Variants in LNX1 observed in about 807,000 individuals in gnomAD.
The protein encoded by LNX1 is E3 ubiquitin-protein ligase LNX.
A neutral mutation model predicts 68.4 loss-of-function variants in LNX1; 54 were observed. That is an observed-to-expected ratio of 0.79 (90% CI 0.63 to 0.99). The LOEUF (loss-of-function observed/expected upper bound fraction) is 0.99. Ranked by LOEUF, LNX1 falls within the 50% of genes least tolerant of loss-of-function variation. The pLI is 0.00. For synonymous variants in LNX1, 336 were observed against 350.0 expected (o/e 0.96, Z 0.45); for missense variants, 906 against 926.4 (o/e 0.98, Z 0.29).
intron 1 of LNX1, among the ~76,000 whole-genome samples, chr4:53,582,348 C>T (rs763818225): frequency 1.3e-5 from 2 of 152,178 alleles, no homozygotes; most frequent in Non-Finnish European, 2.9e-5. Context: ...AGAGGAATGA[C>T]TCGCTTCAAA....
chr4:53,635,607 C>T (rs1560702432), intron 1 of LNX1, among the ~76,000 whole-genome samples: 1 of 151,934 alleles, frequency 6.6e-6, no homozygotes, highest in African/African-American at 2.4e-5. Flanking sequence ...TAAAAAATGT[C>T]TATTGGGAAG....
chr4:53,559,498 T>C (rs1730132250), intron 2 of LNX1, among the ~76,000 whole-genome samples: 1 of 152,164 alleles, frequency 6.6e-6, no homozygotes, highest in Non-Finnish European at 1.5e-5. Context: ...ACAGTAGGCA[T>C]GTTTGGTTAA....
chr4:53,547,599 C>A (rs1300105771), intron 2 of LNX1, among the ~76,000 whole-genome samples: 1 of 152,178 alleles, frequency 6.6e-6, no homozygotes. Flanking sequence ...CCCTCCCCTA[C>A]TGTTCTGGAT....
At chr4:53,536,923 T>G (rs1266471366) in intron 2 of LNX1, among the ~76,000 whole-genome samples, 2 of 152,252 alleles carry the variant, frequency 1.3e-5, no homozygotes, top group Non-Finnish European at 2.9e-5. Flanking sequence ...CCAGGATCTT[T>G]ATTTTCTGTT....
intron 1 of LNX1, among the ~76,000 whole-genome samples, chr4:53,584,774 CA>C (rs768624493): frequency 3.9e-5 from 6 of 152,236 alleles, no homozygotes; most frequent in Non-Finnish European, 5.9e-5. Context: ...AAGATCCCTA[CA>C]GCACCTACCA....
At chr4:53,579,868 C>T (rs1178120415) in intron 1 of LNX1, among the ~76,000 whole-genome samples, 5 of 152,182 alleles carry the variant, frequency 3.3e-5, no homozygotes, top group East Asian at 1.9e-4. Context: ...CATGTGGCAA[C>T]GATAATTTTA....
intron 1 of LNX1, among the ~76,000 whole-genome samples, chr4:53,634,974 C>T (rs1734415210): frequency 6.6e-6 from 1 of 151,774 alleles, no homozygotes; most frequent in African/African-American, 2.4e-5. Context: ...TACAGGTGCA[C>T]ACTACCATAT....
chr4:53,609,836 C>CTA (rs897723643), intron 2 of LNX1, among the ~76,000 whole-genome samples: 3 of 144,638 alleles, frequency 2.1e-5, no homozygotes, highest in African/African-American at 7.6e-5. Flanking sequence ...CTACATAATG[C>CTA]TATATAAATA....
intron 4 of LNX1, 101 bp from the exon 5 acceptor site, chr4:53,498,944 T>C (rs1725275702): frequency 1.1e-5 from 9 of 815,978 alleles, no homozygotes; most frequent in Non-Finnish European, 1.8e-5. Flanking sequence ...AAACTATTCA[T>C]TTTTCCTCAT....
At chr4:53,469,684 A>G (rs1194359042) in intron 9 of LNX1, among the ~76,000 whole-genome samples, 4 of 152,240 alleles carry the variant, frequency 2.6e-5, no homozygotes. Flanking sequence ...ACAGAAATAC[A>G]AATTACCATC....
chr4:53,507,225 C>T, intron 4 of LNX1, 92 bp downstream of exon 4: 2 of 1,371,928 alleles, frequency 1.5e-6, no homozygotes, highest in African/African-American at 2.9e-5. Flanking sequence ...AGAGGGGTCA[C>T]AGAAGGTGGA....
Position 53,459,476 on chromosome 4 carries a change from T to G in LNX1, c.*1431A>C, listed in dbSNP as rs1290675358. On this transcript the variant is annotated 3_prime_UTR_variant, in exon 11 of 11. Transcript: ENST00000263925. ...CATGGTTTTGGCCTTTTGTGTATAT[T>G]AGTACCAGAAGTAGATACTATAAAT... The G allele has an allele frequency of 6.2e-7, 1 of 1,613,168 alleles. No homozygotes were observed. The highest frequency in any genetic ancestry group is 2.2e-5 in the East Asian group (1 of 44,878).
At chr4:53,576,027 G>T in intron 1 of LNX1, 2 of 1,570,602 alleles carry the variant, frequency 1.3e-6, no homozygotes, top group African/African-American at 1.3e-5. Flanking sequence ...CCAGCCTGAA[G>T]CCCAACACCT....
chr4:53,557,359 ATCCCATAGGTT>A (rs1169109110), intron 2 of LNX1, among the ~76,000 whole-genome samples: 1 of 152,216 alleles, frequency 6.6e-6, no homozygotes, highest in Non-Finnish European at 1.5e-5. Context: ...GTTTCTTCGT[ATCCCATAGGTT>A]TCAAAAGCAT....
intron 1 of LNX1, chr4:53,579,200 T>C: frequency 8.9e-6 from 8 of 896,436 alleles, no homozygotes; most frequent in Non-Finnish European, 1.1e-5. Flanking sequence ...TACAGTGTTT[T>C]GGCAGTTTAG....
intron 2 of LNX1, among the ~76,000 whole-genome samples, chr4:53,533,872 C>A (rs1728189525): frequency 1.3e-5 from 2 of 152,166 alleles, no homozygotes; most frequent in Non-Finnish European, 2.9e-5. Flanking sequence ...GAGAGGGGTG[C>A]CAAGCATCTG....
At chr4:53,491,316 A>G (rs1486379964) in intron 6 of LNX1, among the ~76,000 whole-genome samples, 2 of 152,212 alleles carry the variant, frequency 1.3e-5, no homozygotes, top group East Asian at 3.9e-4. Context: ...TTCTTCATAA[A>G]GAAATACAAT....
upstream of LNX1, among the ~76,000 whole-genome samples, chr4:53,620,268 C>T (rs1311084534): frequency 1.3e-5 from 2 of 152,138 alleles, no homozygotes; most frequent in East Asian, 1.9e-4. Context: ...GATATGTTCA[C>T]AGGTTACAAT....
intron 7 of LNX1, among the ~76,000 whole-genome samples, chr4:53,479,394 C>T (rs976420585): frequency 3.3e-5 from 5 of 152,218 alleles, no homozygotes; most frequent in South Asian, 2.1e-4. Context: ...GCCTTGCCTG[C>T]GGTGAGCAAG....
Sources: gnomAD v4.1 joint callset for allele counts (sites outside exome capture counted in the v4.1 genomes callset) on GRCh38, gnomAD v4.1.1 for gene constraint, MANE v1.5 for transcripts, NCBI Gene and HGNC (gene_info 2026-07-23, HGNC 2026-07-21) for gene names.